Variants in WHRN observed in about 807,000 individuals in gnomAD.
WHRN encodes the protein whirlin.
Under a neutral mutation model 68.3 loss-of-function variants are expected in WHRN, and 41 were observed. The observed-to-expected ratio is 0.60, with a 90% CI of 0.47 to 0.78. The LOEUF (loss-of-function observed/expected upper bound fraction) is 0.78. Ranked by LOEUF, WHRN falls within the 30% of genes least tolerant of loss-of-function variation. The pLI, the probability that WHRN is intolerant of heterozygous loss-of-function variation, is 0.00. For synonymous variants in WHRN, 560 were observed against 561.3 expected (o/e 1.00, Z 0.03); for missense variants, 1,243 against 1,244.7 (o/e 1.00, Z 0.02).
At chr9:114,432,565 T>C (rs1271083999) in intron 3 of WHRN, among the ~76,000 whole-genome samples, 1 of 152,218 alleles carries the variant, frequency 6.6e-6, no homozygotes, top group East Asian at 1.9e-4. Context: ...CTACACTCTG[T>C]CACTTACTTG....
intron 3 of WHRN, among the ~76,000 whole-genome samples, chr9:114,459,559 C>T (rs2132850146): frequency 6.6e-6 from 1 of 152,280 alleles, no homozygotes; most frequent in African/African-American, 2.4e-5. Context: ...GGGGTGCTGT[C>T]CAGAGACTCA....
At chr9:114,498,035 C>T (rs376201383) in intron 1 of WHRN, among the ~76,000 whole-genome samples, 15 of 152,302 alleles carry the variant, frequency 9.8e-5, no homozygotes, top group African/African-American at 3.1e-4. Flanking sequence ...GCACCCACAA[C>T]GCTGCCATAC....
At chr9:114,453,031 G>A (rs1327975520) in intron 3 of WHRN, among the ~76,000 whole-genome samples, 1 of 152,222 alleles carries the variant, frequency 6.6e-6, no homozygotes, top group Non-Finnish European at 1.5e-5. Context: ...CATGGAGGAA[G>A]GGGTGTGGTT....
intron 7 of WHRN, among the ~76,000 whole-genome samples, chr9:114,417,057 C>T (rs1835868339): frequency 6.6e-6 from 1 of 152,208 alleles, no homozygotes; most frequent in South Asian, 2.1e-4. Context: ...TCTGCTCTCT[C>T]GGCCAACATC....
At chr9:114,431,602 G>A (rs756579650) in intron 3 of WHRN, among the ~76,000 whole-genome samples, 8 of 152,048 alleles carry the variant, frequency 5.3e-5, no homozygotes, top group Non-Finnish European at 7.4e-5. Flanking sequence ...CCCCTTTCCC[G>A]TCAGTTGGTG....
intron 4 of WHRN, chr9:114,425,943 G>A (rs1480397120): frequency 5.8e-6 from 3 of 516,986 alleles, no homozygotes; most frequent in African/African-American, 3.8e-5. Context: ...TTTGGATGAA[G>A]CAACTAAGGT....
At chr9:114,430,276 T>C (rs1348328321) in intron 3 of WHRN, among the ~76,000 whole-genome samples, 1 of 152,174 alleles carries the variant, frequency 6.6e-6, no homozygotes, top group Non-Finnish European at 1.5e-5. Context: ...CCGGATAAAA[T>C]ATAGGATGCC....
intron 3 of WHRN, among the ~76,000 whole-genome samples, chr9:114,433,465 C>G (rs781080063): frequency 2.0e-5 from 3 of 152,236 alleles, no homozygotes; most frequent in Admixed American, 2.0e-4. Flanking sequence ...ATGGATCTTG[C>G]GGCTTCAAGG....
chr9:114,415,334 T>C (rs2132276440), intron 7 of WHRN, among the ~76,000 whole-genome samples: 1 of 150,258 alleles, frequency 6.7e-6, no homozygotes, highest in South Asian at 2.1e-4. Flanking sequence ...CTCCAGAGTA[T>C]CCCATGGTTT....
Position 114,425,114 on chromosome 9 carries a change from C to T in WHRN, c.1167-90G>A, listed in dbSNP as rs114621936. 3.8e-3 allele frequency: 5,092 copies of T among 1,334,980 alleles called. 145 individuals carry two copies. The African/African-American group carries it at 0.065, about 17-fold the overall frequency. 82.7% of individuals were successfully genotyped at this position (1,334,980 alleles called of 1,614,324 possible). A position where few individuals can be genotyped will look rare whatever the true frequency, so the allele number is the denominator to read the frequency against. On this transcript the variant is annotated intron_variant, in intron 4 of 11. Coordinates refer to ENST00000362057, the MANE Select transcript of WHRN (RefSeq NM_015404.4). Reference sequence around the variant, plus strand: ...ACAGGGTGACTTGGGGCAGGAAGAGCAAAGCTTCAAGAGAACCATGCATCG... The same window carrying T: ...ACAGGGTGACTTGGGGCAGGAAGAGTAAAGCTTCAAGAGAACCATGCATCG...
At chr9:114,472,123 C>G (rs1262431756) in intron 2 of WHRN, among the ~76,000 whole-genome samples, 1 of 152,250 alleles carries the variant, frequency 6.6e-6, no homozygotes, top group Non-Finnish European at 1.5e-5. Context: ...ATAGCGCCAT[C>G]CAGGGCTGTT....
At chr9:114,458,264 A>T (rs1296234926) in intron 3 of WHRN, among the ~76,000 whole-genome samples, 2 of 152,128 alleles carry the variant, frequency 1.3e-5, no homozygotes, top group Non-Finnish European at 2.9e-5. Flanking sequence ...TTTATGATTC[A>T]ACCATCGAGT....
chr9:114,484,484 A>G (rs906388646), intron 1 of WHRN, among the ~76,000 whole-genome samples: 2 of 152,244 alleles, frequency 1.3e-5, no homozygotes, highest in African/African-American at 2.4e-5. Flanking sequence ...GAGGAGCCCT[A>G]TTAGCACAAT....
chr9:114,479,203 G>A (rs1229783195), intron 1 of WHRN, among the ~76,000 whole-genome samples: 1 of 152,202 alleles, frequency 6.6e-6, no homozygotes, highest in Non-Finnish European at 1.5e-5. Flanking sequence ...CCTCCTGGGA[G>A]TCTGGAAGGT....
chr9:114,487,862 T>C (rs550205678), intron 1 of WHRN, among the ~76,000 whole-genome samples: 64 of 152,280 alleles, frequency 4.2e-4, no homozygotes, highest in South Asian at 1.0e-3. Context: ...GCAATGTCCT[T>C]CTCCCAAGGG....
At chr9:114,463,876 G>A (rs544095790) in intron 3 of WHRN, among the ~76,000 whole-genome samples, 22 of 152,238 alleles carry the variant, frequency 1.4e-4, no homozygotes, top group Non-Finnish European at 2.5e-4. Flanking sequence ...GCCTGGTTAT[G>A]GGCACAGTTC....
rs1308971270 is a variant in WHRN, at chr9:114,406,678, C to A, written c.1913G>T (p.Gly638Val). ...GGGCAAGTCCTGTGCAGAGGAGGTC[C>A]CTGGGGTGGGTGCGGTGCCCGCTGG... is the stretch of plus-strand genomic sequence containing the variant. ...SPPAGTAPTP[G>V]TSSAQDLPSS... is the part of the protein sequence containing the mutation. Residue 638 changes from glycine to valine, a missense_variant, in exon 9 of 12, where the codon GGG (glycine) becomes GTG (valine). By Grantham distance (109) the Gly-to-Val change is moderately radical. Transcript: ENST00000362057. 1 of 1,613,810 alleles carries A rather than the reference C, an allele frequency of 6.2e-7. No individual in the cohort carries two copies. Among genetic ancestry groups the A allele is most frequent in the Non-Finnish European group, 8.5e-7 (1 of 1,180,014 alleles).
In WHRN at chr9:114,470,091, C is replaced by T. The variant is rs77596861; in HGVS notation, c.838-3699G>A. On this transcript the variant is annotated intron_variant, in intron 2 of 11. Transcript: ENST00000362057. ...ATCACGTACTCACATCTGCAACATC[C>T]CTTTTGCTATATAAGGGTTCCACTC... Among the ~76,000 whole-genome samples, 5 of 152,316 alleles carry T rather than the reference C, an allele frequency of 3.3e-5. 1 individual carries two copies. The South Asian group carries it at 1.0e-3, about 32-fold the overall frequency.
At chr9:114,460,109 A>G (rs1840122115) in intron 3 of WHRN, among the ~76,000 whole-genome samples, 1 of 152,226 alleles carries the variant, frequency 6.6e-6, no homozygotes, top group Non-Finnish European at 1.5e-5. Context: ...GGCAAGATCC[A>G]GGAACCACAC....
Sources: allele counts gnomAD v4.1 joint callset (sites outside exome capture counted in the v4.1 genomes callset), GRCh38; gene constraint gnomAD v4.1.1; transcripts MANE v1.5; gene names NCBI Gene and HGNC (gene_info 2026-07-23, HGNC 2026-07-21).